The following ATAD2B variants were observed in gnomAD, a reference collection of about 807,000 sequenced individuals.
The protein encoded by ATAD2B is ATPase family AAA domain-containing protein 2B.
A neutral mutation model predicts 167.6 loss-of-function variants in ATAD2B; 40 were observed. The observed-to-expected ratio is 0.24, with a 90% CI of 0.19 to 0.31. The LOEUF is 0.31. Ranked by LOEUF, ATAD2B falls within the 10% of genes least tolerant of loss-of-function variation. The pLI is 1.00. For synonymous variants in ATAD2B, 579 were observed against 596.5 expected (o/e 0.97, Z 0.43); for missense variants, 1,242 against 1,757.2 (o/e 0.71, Z 5.24).
chr2:23,807,302 GA>G (rs984813950), intron 18 of ATAD2B, among the ~76,000 whole-genome samples: 11 of 17,434 alleles, frequency 6.3e-4, no homozygotes, highest in African/African-American at 1.3e-3. Context: ...ACACACACTA[GA>G]AAGTACATTC....
intron 22 of ATAD2B, among the ~76,000 whole-genome samples, chr2:23,767,795 A>C (rs905379403): frequency 6.6e-6 from 1 of 152,188 alleles, no homozygotes; most frequent in African/African-American, 2.4e-5. Context: ...ATTTGGTGAT[A>C]AAGTAGATAA....
the ATAD2B span, among the ~76,000 whole-genome samples, chr2:23,682,965 G>T: frequency 2.6e-5 from 4 of 152,202 alleles, no homozygotes; most frequent in East Asian, 7.7e-4. The surrounding 1 kb of genome is among the most constrained non-coding windows in gnomAD (Gnocchi z 4.1). Context: ...TTCTCCAGGA[G>T]CCCCTCCCAC....
intron 12 of ATAD2B, among the ~76,000 whole-genome samples, chr2:23,857,904 G>A (rs956481819): frequency 6.6e-6 from 1 of 151,540 alleles, no homozygotes; most frequent in Non-Finnish European, 1.5e-5. Context: ...ACCACGCCCG[G>A]CTAATTTTGT....
At chr2:23,763,062 T>C (rs927255073) in intron 23 of ATAD2B, among the ~76,000 whole-genome samples, 8 of 152,196 alleles carry the variant, frequency 5.3e-5, no homozygotes, top group Non-Finnish European at 1.2e-4. Flanking sequence ...TTACTTCATA[T>C]CTCCAACTGA....
intron 18 of ATAD2B, among the ~76,000 whole-genome samples, chr2:23,810,104 G>T (rs1392786930): frequency 6.6e-6 from 1 of 152,062 alleles, no homozygotes; most frequent in South Asian, 2.1e-4. Context: ...CAGTAAGGAG[G>T]ATCATGAGAA....
At chr2:23,894,220 G>T (rs1699903934) in intron 2 of ATAD2B, among the ~76,000 whole-genome samples, 2 of 151,920 alleles carry the variant, frequency 1.3e-5, no homozygotes, top group Admixed American at 1.3e-4. Flanking sequence ...GGTGGCTCGT[G>T]CCTGTAATCC....
chr2:23,789,395 T>A (rs796914870), intron 19 of ATAD2B, among the ~76,000 whole-genome samples: 9 of 152,266 alleles, frequency 5.9e-5, no homozygotes, highest in African/African-American at 2.2e-4. Flanking sequence ...CCTTCTACCT[T>A]CTAGACACCA....
rs537882381 is a variant in ATAD2B at position 23,779,776 on chromosome 2, T to A, written c.3133+3093A>T. Among the ~76,000 whole-genome samples the A allele has an allele frequency of 6.4e-4, 97 of 152,306 alleles. 1 individual carries two copies. In the South Asian group the frequency reaches 0.019, roughly 29 times the overall value. ...TTAATAAGCTTTTCACAAAATATTA[T>A]AGGAATGACAAAATTTATAAAAATC... On this transcript the variant is annotated intron_variant, in intron 22 of 27. Coordinates refer to ENST00000238789, the MANE Select transcript of ATAD2B (RefSeq NM_017552.4).
the ATAD2B span, among the ~76,000 whole-genome samples, chr2:23,694,071 GT>G: frequency 1.3e-5 from 2 of 152,226 alleles, no homozygotes; most frequent in South Asian, 4.1e-4. Context: ...GCTAATAACA[GT>G]GACAGCCACA....
At chr2:23,720,850 C>A in the ATAD2B span, among the ~76,000 whole-genome samples, 1 of 150,720 alleles carries the variant, frequency 6.6e-6, no homozygotes, top group African/African-American at 2.4e-5. Flanking sequence ...GCCCTCCACA[C>A]CCCCACCCTC....
chr2:23,873,825 T>C (rs2150130174), intron 8 of ATAD2B, among the ~76,000 whole-genome samples: 1 of 152,330 alleles, frequency 6.6e-6, no homozygotes, highest in African/African-American at 2.4e-5. Flanking sequence ...TTAGGTGTGA[T>C]ACAAATAACA....
intron 1 of ATAD2B, among the ~76,000 whole-genome samples, chr2:23,925,402 T>C (rs1247227543): frequency 6.6e-6 from 1 of 152,204 alleles, no homozygotes; most frequent in Non-Finnish European, 1.5e-5. Flanking sequence ...GTCAAAACAG[T>C]GTAAGACACA....
chr2:23,816,664 C>T (rs1347121935), intron 17 of ATAD2B, among the ~76,000 whole-genome samples: 1 of 152,080 alleles, frequency 6.6e-6, no homozygotes, highest in Non-Finnish European at 1.5e-5. Flanking sequence ...TTAATTTTTA[C>T]TTTCTTCTTT....
chr2:23,871,563 C>T (rs1695981179), intron 8 of ATAD2B, among the ~76,000 whole-genome samples: 1 of 152,198 alleles, frequency 6.6e-6, no homozygotes, highest in Non-Finnish European at 1.5e-5. Context: ...TTCCATTACA[C>T]TTGCTGAATT....
chr2:23,804,337 A>T (rs1683985282), intron 18 of ATAD2B, among the ~76,000 whole-genome samples: 1 of 152,172 alleles, frequency 6.6e-6, no homozygotes. Flanking sequence ...CAGTGTTCAG[A>T]TAGAGGGTGG....
the ATAD2B span, chr2:23,691,487 G>A: frequency 1.8e-5 from 11 of 601,232 alleles, no homozygotes; most frequent in Admixed American, 8.8e-5. Flanking sequence ...TCTTTTGGGC[G>A]TCTCTGGTCA....
rs754520528 is a variant in ATAD2B at position 23,788,529 on chromosome 2, G to T, written c.2759C>A (p.Pro920Gln). Reference sequence around the variant, plus strand: ...AACTTTACCAGCATGTTTCCTTCGTGGTGGAGCCATTGATGCCTGATTGAG... The same window carrying T: ...AACTTTACCAGCATGTTTCCTTCGTTGTGGAGCCATTGATGCCTGATTGAG... ...LILNQASMAP[P>Q]RRKHAALCAM... Residue 920 changes from proline (P) to glutamine (Q), a missense_variant, in exon 20 of 28, where the codon CCA (proline) becomes CAA (glutamine). Physicochemically the swap from Pro to Gln is moderately conservative, Grantham distance 76. Transcript: ENST00000238789. The T allele has an allele frequency of 3.7e-6, 6 of 1,612,964 alleles. No homozygotes were observed. The highest frequency in any genetic ancestry group is 5.1e-6 in the Non-Finnish European group (6 of 1,179,290).
intron 1 of ATAD2B, among the ~76,000 whole-genome samples, chr2:23,902,999 T>C (rs1249822063): frequency 6.6e-6 from 1 of 151,758 alleles, no homozygotes; most frequent in Non-Finnish European, 1.5e-5. Flanking sequence ...CACTGAGAGG[T>C]TGAGGTGGGC....
chr2:23,769,375 G>A (rs1287644347), intron 22 of ATAD2B, among the ~76,000 whole-genome samples: 1 of 152,092 alleles, frequency 6.6e-6, no homozygotes, highest in Non-Finnish European at 1.5e-5. Flanking sequence ...AGGAGGCAGA[G>A]GTTGCAGTGA....
Sources: allele counts gnomAD v4.1 joint callset (sites outside exome capture counted in the v4.1 genomes callset), GRCh38; gene constraint gnomAD v4.1.1; non-coding constraint Gnocchi (gnomAD v3.1); transcripts MANE v1.5; gene names NCBI Gene and HGNC (gene_info 2026-07-23, HGNC 2026-07-21).